The following BIN3 variants were observed in gnomAD, a reference collection of about 807,000 sequenced individuals.
BIN3 encodes bridging integrator 3.
In BIN3, 41 loss-of-function variants were observed where a neutral mutation model predicts 38.2. The observed-to-expected ratio is 1.07, with a 90% confidence interval of 0.84 to 1.39. BIN3 has a LOEUF of 1.39. BIN3 is among the 40% of genes most tolerant of loss of function. BIN3 has a pLI of 0.00. For missense variants in BIN3, 361 were observed against 324.3 expected (o/e 1.11, Z -0.87); for synonymous variants, 145 against 122.6 (o/e 1.18, Z -1.21).
intron 6 of BIN3, among the ~76,000 whole-genome samples, chr8:22,629,513 C>T (rs572856874): frequency 6.6e-6 from 1 of 152,374 alleles, no homozygotes; most frequent in Admixed American, 6.5e-5. Context: ...ACGCCCCTCC[C>T]TGTGTGCGGC....
chr8:22,645,111 C>A (rs2117559152), intron 1 of BIN3, among the ~76,000 whole-genome samples: 1 of 151,322 alleles, frequency 6.6e-6, no homozygotes, highest in South Asian at 2.1e-4. Context: ...GCTGTAGTGA[C>A]CTATAATTGC....
chr8:22,657,202 A>C (rs948328359), intron 1 of BIN3, among the ~76,000 whole-genome samples: 3 of 152,242 alleles, frequency 2.0e-5, no homozygotes, highest in Non-Finnish European at 4.4e-5. Context: ...TAAATGAATG[A>C]CTAAAATAAG....
At chr8:22,622,779 A>C (rs922927787) in intron 8 of BIN3, 1 of 152,350 alleles carries the variant, frequency 6.6e-6, no homozygotes. Flanking sequence ...CCGTGAACCC[A>C]ATGGGGCGGC....
At chr8:22,657,008 T>C (rs532613795) in intron 1 of BIN3, among the ~76,000 whole-genome samples, 1 of 152,362 alleles carries the variant, frequency 6.6e-6, no homozygotes, top group East Asian at 1.9e-4. Context: ...TGTTAAGTAC[T>C]GTACTAGGCA....
rs777807581 is a variant in BIN3, at chr8:22,669,028, C to T, written c.8+16G>A. On this transcript the variant is annotated intron_variant, in intron 1 of 8. Transcript: ENST00000276416. ...TCCGCGGGTCCAGCAGCTCCCGCCG[C>T]CTGGGCCTCACTCACCAGCTCATGG... 1 of 1,580,194 alleles carries T rather than the reference C, an allele frequency of 6.3e-7. No homozygotes were observed. Among genetic ancestry groups the T allele is most frequent in the Admixed American group, 1.8e-5 (1 of 55,444 alleles).
chr8:22,625,680 TGGGTTCCA>T, intron 6 of BIN3: 1 of 373,562 alleles, frequency 2.7e-6, no homozygotes, highest in Non-Finnish European at 5.0e-6. Context: ...CTCCACCTCC[TGGGTTCCA>T]GCAATTCTCA....
At chr8:22,644,648 T>A in intron 2 of BIN3, 107 bp downstream of exon 2, 2 of 1,081,998 alleles carry the variant, frequency 1.8e-6, no homozygotes, top group Non-Finnish European at 2.8e-6. Flanking sequence ...AAGGCCCAGG[T>A]TGCTGTCTTC....
In BIN3 at chr8:22,624,037, G is replaced by A. The variant is rs937621509; in HGVS notation, c.493C>T (p.Leu165=). The change falls in exon 8 of 9, where the codon CTG becomes TTG. Residue 165 remains leucine, a synonymous_variant. Transcript: ENST00000276416. ...TCAAAGTCCTCCCGCACAGGCCGCA[G>A]CTCCTCTCGTGCCTAGGGAACAAGA... ...LAKLHQAREE[L]RPVREDFEAK... 3.1e-6 allele frequency: 5 copies of A among 1,612,840 alleles called. No homozygotes were observed. Among genetic ancestry groups the A allele is most frequent in the Non-Finnish European group, 4.2e-6 (5 of 1,179,630 alleles).
In BIN3 at chr8:22,624,064, C is replaced by G; in HGVS notation, c.481-15G>C. 1 of 1,418,966 alleles carries G rather than the reference C, an allele frequency of 7.0e-7. No individual in the cohort carries two copies. The highest frequency in any genetic ancestry group is 1.1e-5 in the South Asian group (1 of 88,416). The allele number at this position is 1,418,966 out of a possible 1,614,324, so 87.9% of individuals were successfully genotyped here. ...TCCTCTCGTGCCTAGGGAACAAGAC[C>G]TGGGTGTCAAAACTCTCTCACTGCT... is the stretch of plus-strand genomic sequence containing the variant. On this transcript the variant is annotated splice_polypyrimidine_tract_variant and intron_variant, in intron 7 of 8. Transcript: ENST00000276416.
chr8:22,627,925 T>C (rs1563946849), intron 6 of BIN3, among the ~76,000 whole-genome samples: 1 of 152,206 alleles, frequency 6.6e-6, no homozygotes, highest in Non-Finnish European at 1.5e-5. Flanking sequence ...CTGTTTTACA[T>C]TTATCCTCAA....
intron 1 of BIN3, 146 bp from the exon 2 acceptor site, chr8:22,644,949 C>T (rs1350860593): frequency 3.0e-6 from 2 of 663,324 alleles, no homozygotes; most frequent in East Asian, 2.9e-5. Flanking sequence ...CCCTGGTGGG[C>T]ATACAACCAT....
intron 1 of BIN3, among the ~76,000 whole-genome samples, chr8:22,651,555 T>A (rs1802891224): frequency 6.6e-6 from 1 of 152,240 alleles, no homozygotes; most frequent in Non-Finnish European, 1.5e-5. Flanking sequence ...CTTGTTCTTC[T>A]ACCTGCAGGC....
chr8:22,668,922 C>G, intron 1 of BIN3, 122 bp downstream of exon 1: 1 of 1,331,670 alleles, frequency 7.5e-7, no homozygotes, highest in Admixed American at 2.1e-5. Flanking sequence ...GGCTGTCGGG[C>G]CTTGCTCTGG....
rs147353282 is a variant in BIN3 at position 22,650,344 on chromosome 8, A to G, written c.9-5541T>C. 2.6e-5 allele frequency among the ~76,000 whole-genome samples: 4 copies of G among 152,304 alleles called. No homozygotes were observed. In the East Asian group the frequency reaches 7.7e-4, roughly 29 times the overall value. On this transcript the variant is annotated intron_variant, in intron 1 of 8. Coordinates refer to ENST00000276416, the MANE Select transcript of BIN3 (RefSeq NM_018688.6). ...TTGTATATCAGGATTTTTTTCTTGG[A>G]TTAGTGTTTGCCTTTCACTTTTGTA...
At chr8:22,624,399 T>G (rs1321411286) in intron 6 of BIN3, 36 bp from the exon 7 acceptor site, 1 of 1,599,874 alleles carries the variant, frequency 6.3e-7, no homozygotes, top group Admixed American at 1.7e-5. Context: ...GGCCCGTTCT[T>G]GAAGGGGTGG....
chr8:22,644,405 TG>T (rs1478103908), intron 2 of BIN3, among the ~76,000 whole-genome samples: 1 of 152,198 alleles, frequency 6.6e-6, no homozygotes, highest in African/African-American at 2.4e-5. Flanking sequence ...GTGTCTTTGG[TG>T]GGGGCCACTC....
chr8:22,660,760 T>C (rs112136520), intron 1 of BIN3, among the ~76,000 whole-genome samples: 5 of 152,388 alleles, frequency 3.3e-5, no homozygotes, highest in African/African-American at 1.2e-4. Context: ...ATCCACCACT[T>C]GGCTTTGTCA....
chr8:22,627,749 C>T (rs913861779), intron 6 of BIN3, among the ~76,000 whole-genome samples: 1 of 152,254 alleles, frequency 6.6e-6, no homozygotes, highest in African/African-American at 2.4e-5. Context: ...TTGGCTTTCT[C>T]TTTCCACATG....
chr8:22,654,428 GCTAT>G (rs1473324042), intron 1 of BIN3, among the ~76,000 whole-genome samples: 1 of 152,234 alleles, frequency 6.6e-6, no homozygotes, highest in East Asian at 1.9e-4. Flanking sequence ...AAAAATCACT[GCTAT>G]CTAATTTCAG....
Sources: gnomAD v4.1 joint callset for allele counts (sites outside exome capture counted in the v4.1 genomes callset) on GRCh38, gnomAD v4.1.1 for gene constraint, MANE v1.5 for transcripts, NCBI Gene and HGNC (gene_info 2026-07-23, HGNC 2026-07-21) for gene names.